The following CRACD variants were observed in gnomAD, a reference collection of about 807,000 sequenced individuals.
CRACD encodes capping protein-inhibiting regulator of actin dynamics.
In CRACD, 56 loss-of-function variants were observed where a neutral mutation model predicts 106.8. The ratio of observed to expected loss-of-function variants is 0.52; its 90% CI spans 0.42 to 0.66. The LOEUF (loss-of-function observed/expected upper bound fraction) is 0.66, where lower values mean the gene tolerates loss of function less well. Among genes scored for constraint, CRACD ranks in the 30% least tolerant of loss-of-function variants. CRACD has a pLI of 0.00. For missense variants in CRACD, 1,730 were observed against 1,623.2 expected (o/e 1.07, Z -1.13); for synonymous variants, 754 against 670.8 (o/e 1.12, Z -1.92).
At chr4:56,310,794 C>CCA (rs1745105537) in intron 6 of CRACD, 60 bp downstream of exon 6, 3 of 959,868 alleles carry the variant, frequency 3.1e-6, no homozygotes, top group African/African-American at 1.8e-5. Context: ...CATCTTCCCC[C>CCA]CCCCTTTTTT....
intron 1 of CRACD, among the ~76,000 whole-genome samples, chr4:56,139,709 G>A (rs1400510750): frequency 6.6e-6 from 1 of 152,164 alleles, no homozygotes; most frequent in African/African-American, 2.4e-5. Flanking sequence ...CATGATGGGA[G>A]AAGATGGGTT....
In CRACD at chr4:56,314,138, C is replaced by G. The variant is rs186821124; in HGVS notation, c.636C>G (p.Pro212=). Residue 212 remains proline, a synonymous_variant, in exon 8 of 11, where the codon CCC becomes CCG. Coordinates refer to ENST00000682029, the MANE Select transcript of CRACD (RefSeq NM_001393381.1). This position sits in a 1 kb window ranked among gnomAD's most constrained non-coding sequence, Gnocchi z 4.4. ...EDKPTWHEEE[P]NPLDSEEERR... ...AGCCAACGTGGCACGAAGAGGAACC[C>G]AATCCGCTGGATTCCGAGGAAGAGA... is the stretch of plus-strand genomic sequence containing the variant. The G allele has an allele frequency of 1.9e-6, 3 of 1,614,050 alleles. No homozygotes were observed. Among genetic ancestry groups the G allele is most frequent in the African/African-American group, 2.7e-5 (2 of 74,946 alleles).
intron 3 of CRACD, among the ~76,000 whole-genome samples, chr4:56,283,438 C>T (rs1465176762): frequency 2.0e-5 from 3 of 152,162 alleles, no homozygotes; most frequent in Non-Finnish European, 4.4e-5. Flanking sequence ...GTTGTCTTTA[C>T]CTTGCTGTGT....
chr4:56,152,552 ATCTCTCTT>A (rs1388142615), intron 1 of CRACD, among the ~76,000 whole-genome samples: 1 of 151,880 alleles, frequency 6.6e-6, no homozygotes, highest in African/African-American at 2.4e-5. Context: ...AGGTGGGAGA[ATCTCTCTT>A]TCTCTCTTTT....
intron 1 of CRACD, among the ~76,000 whole-genome samples, chr4:56,107,901 T>G (rs1734000589): frequency 1.3e-5 from 2 of 152,212 alleles, no homozygotes; most frequent in Admixed American, 6.5e-5. Context: ...GCTAGTTGCT[T>G]ACAACATTTT....
chr4:56,316,161 G>C lies in CRACD; in HGVS notation c.2659G>C (p.Gly887Arg), dbSNP rs769553451. The change falls in exon 8 of 11, where the codon GGG (glycine) becomes CGG (arginine). Residue 887 changes from glycine to arginine, a missense_variant. This residue lies in a region of CRACD where 1,620 missense variants were observed against 1,481.6 expected (regional missense o/e 1.09). Transcript: ENST00000682029. Reference sequence around the variant, plus strand: ...CGCGGATGCAGGGCCGCCTGCAGCGGGGAGCGCTCGTGGAGAGAAAGAGAT... The same window carrying C: ...CGCGGATGCAGGGCCGCCTGCAGCGCGGAGCGCTCGTGGAGAGAAAGAGAT... The part of the protein sequence containing the change: ...DSADAGPPAA[G>R]SARGEKEMEG... The C allele has an allele frequency of 2.5e-6, 4 of 1,614,062 alleles. No individual in the cohort carries two copies. Among genetic ancestry groups the C allele is most frequent in the Admixed American group, 1.7e-5 (1 of 60,012 alleles).
At chr4:56,278,388 C>G (rs1742798774) in intron 3 of CRACD, among the ~76,000 whole-genome samples, 1 of 152,134 alleles carries the variant, frequency 6.6e-6, no homozygotes, top group African/African-American at 2.4e-5. Flanking sequence ...AATAAGAGTG[C>G]TAAGACAATT....
chr4:56,267,924 T>A (rs1420094915), intron 2 of CRACD, among the ~76,000 whole-genome samples: 1 of 152,190 alleles, frequency 6.6e-6, no homozygotes, highest in Non-Finnish European at 1.5e-5. Context: ...GCCAAAACCC[T>A]CCCAGTTCTC....
chr4:56,205,077 G>A (rs1738055096), intron 2 of CRACD, among the ~76,000 whole-genome samples: 1 of 152,122 alleles, frequency 6.6e-6, no homozygotes, highest in African/African-American at 2.4e-5. Flanking sequence ...GATTGCTTAA[G>A]CCTGGGAATT....
chr4:56,314,433 C>CGGA lies in CRACD; in HGVS notation c.932_933insGAG (p.Arg311_Glu312insSer), dbSNP rs752651756. On this transcript the variant is annotated inframe_insertion, in exon 8 of 11. Coordinates refer to ENST00000682029, the MANE Select transcript of CRACD (RefSeq NM_001393381.1). The surrounding 1 kb of genome is among the most constrained non-coding windows in gnomAD (Gnocchi z 4.4). ...CGCGGAGCGGAGGGAGCGTGAGGAG[C>CGGA]GCGAGCGCCTGGAGGCGGAGGAGGA... is the stretch of plus-strand genomic sequence containing the variant. 7 of 1,540,490 alleles carry CGGA rather than the reference C, an allele frequency of 4.5e-6. No individual in the cohort carries two copies. The highest frequency in any genetic ancestry group is 2.0e-5 in the Admixed American group (1 of 50,098).
At chr4:56,129,664 G>A (rs866982874) in intron 1 of CRACD, among the ~76,000 whole-genome samples, 13 of 152,162 alleles carry the variant, frequency 8.5e-5, no homozygotes, top group Non-Finnish European at 7.3e-5. Flanking sequence ...CGCTTTTATG[G>A]AACTGACCAT....
At chr4:56,261,368 T>TA (rs1741696269) in intron 2 of CRACD, among the ~76,000 whole-genome samples, 1 of 150,846 alleles carries the variant, frequency 6.6e-6, no homozygotes. Context: ...CTTCTTTTTT[T>TA]TTTTTTTGAG....
intron 1 of CRACD, among the ~76,000 whole-genome samples, chr4:56,065,427 G>A (rs554705805): frequency 1.3e-5 from 2 of 152,178 alleles, no homozygotes; most frequent in South Asian, 4.1e-4. Context: ...GTTACTTTCC[G>A]AGATTCACCA....
intron 1 of CRACD, among the ~76,000 whole-genome samples, chr4:56,154,617 T>C (rs559152047): frequency 1.3e-5 from 2 of 152,302 alleles, no homozygotes; most frequent in South Asian, 2.1e-4. Flanking sequence ...TGAATTCCCT[T>C]ATCTTTAAAA....
chr4:56,273,852 G>A (rs1742515237), intron 3 of CRACD, among the ~76,000 whole-genome samples: 1 of 152,318 alleles, frequency 6.6e-6, no homozygotes, highest in African/African-American at 2.4e-5. Context: ...GGAAGGAATA[G>A]ATGGTATCAT....
At chr4:56,135,528 A>C (rs1297875264) in intron 1 of CRACD, among the ~76,000 whole-genome samples, 1 of 152,194 alleles carries the variant, frequency 6.6e-6, no homozygotes, top group African/African-American at 2.4e-5. Context: ...GTGTTATCAA[A>C]TACCTGCTCT....
intron 2 of CRACD, among the ~76,000 whole-genome samples, chr4:56,203,618 T>C (rs1304841346): frequency 2.6e-5 from 4 of 152,186 alleles, no homozygotes; most frequent in Non-Finnish European, 5.9e-5. Context: ...CTCAGCACTT[T>C]ACTCTGGCAT....
chr4:56,219,933 C>T (rs867307607), intron 2 of CRACD, among the ~76,000 whole-genome samples: 1 of 152,074 alleles, frequency 6.6e-6, no homozygotes, highest in South Asian at 2.1e-4. Flanking sequence ...CCATTTGGTG[C>T]ATTCAGGCTT....
intron 2 of CRACD, among the ~76,000 whole-genome samples, chr4:56,207,877 A>T (rs542845626): frequency 3.4e-5 from 5 of 148,308 alleles, no homozygotes; most frequent in African/African-American, 1.2e-4. Flanking sequence ...CCCAGACTGG[A>T]GTGACACTGT....
Sources: gnomAD v4.1 joint callset for allele counts (sites outside exome capture counted in the v4.1 genomes callset) on GRCh38, gnomAD v4.1.1 for gene constraint, gnomAD v4.1.1 regional missense constraint, Gnocchi (gnomAD v3.1) non-coding constraint, MANE v1.5 for transcripts, NCBI Gene and HGNC (gene_info 2026-07-23, HGNC 2026-07-21) for gene names.